The following EYS variants were observed in gnomAD, a reference collection of about 807,000 sequenced individuals.
EYS encodes the protein protein eyes shut homolog.
In EYS, 250 loss-of-function variants were observed where a neutral mutation model predicts 282.1. That is an observed-to-expected ratio of 0.89 (90% CI 0.80 to 0.98). The LOEUF (loss-of-function observed/expected upper bound fraction) is 0.98, where lower values mean the gene tolerates loss of function less well. Among genes scored for constraint, EYS ranks in the 50% least tolerant of loss-of-function variants. The pLI, the probability that EYS is intolerant of heterozygous loss-of-function variation, is 0.00. For synonymous variants in EYS, 1,355 were observed against 1,282.9 expected (o/e 1.06, Z -1.20); for missense variants, 4,016 against 3,709.0 (o/e 1.08, Z -2.15).
chr6:64,415,917 G>T (rs1315852669), intron 28 of EYS, among the ~76,000 whole-genome samples: 1 of 152,172 alleles, frequency 6.6e-6, no homozygotes, highest in Non-Finnish European at 1.5e-5. Flanking sequence ...GCAAGCTGAA[G>T]TTTCTAAGCT....
At chr6:64,651,316 C>T (rs1351821777) in intron 22 of EYS, among the ~76,000 whole-genome samples, 2 of 152,166 alleles carry the variant, frequency 1.3e-5, no homozygotes, top group African/African-American at 4.8e-5. Context: ...ACTTGAATGC[C>T]TCATATTGAG....
At chr6:64,896,204 G>A (rs1177811985) in intron 18 of EYS, among the ~76,000 whole-genome samples, 1 of 152,170 alleles carries the variant, frequency 6.6e-6, no homozygotes, top group African/African-American at 2.4e-5. Context: ...GCAGAAGGCA[G>A]GTGATTTCTG....
intron 15 of EYS, among the ~76,000 whole-genome samples, chr6:64,915,296 C>T (rs528778549): frequency 2.0e-4 from 31 of 152,200 alleles, no homozygotes; most frequent in African/African-American, 7.2e-4. Context: ...AAATCATTTG[C>T]ATGGTTTGCC....
chr6:64,491,919 AACACTTT>A (rs1375699142), intron 26 of EYS, among the ~76,000 whole-genome samples: 2 of 151,198 alleles, frequency 1.3e-5, no homozygotes, highest in Non-Finnish European at 3.0e-5. Context: ...CCTTGTTCTA[AACACTTT>A]ACATATATTA....
chr6:63,779,447 C>T (rs1329435371), intron 39 of EYS: 1 of 129,978 alleles, frequency 7.7e-6, no homozygotes, highest in Non-Finnish European at 1.6e-5. Flanking sequence ...GAGCGAGAGT[C>T]TGTTTCAAAA....
chr6:64,151,527 A>C (rs1774737048), intron 31 of EYS, among the ~76,000 whole-genome samples: 1 of 150,852 alleles, frequency 6.6e-6, no homozygotes, highest in Admixed American at 6.6e-5. Context: ...ATGACAAGTT[A>C]ATTTTTGTAT....
intron 12 of EYS, among the ~76,000 whole-genome samples, chr6:65,058,961 A>G (rs1236904615): frequency 6.6e-6 from 1 of 152,148 alleles, no homozygotes; most frequent in Non-Finnish European, 1.5e-5. Context: ...TGAATTTAGA[A>G]AGAAGAAAAC....
intron 26 of EYS, among the ~76,000 whole-genome samples, chr6:64,525,561 A>G (rs115473120): frequency 0.024 from 3,588 of 151,770 alleles, 136 homozygotes; most frequent in African/African-American, 0.083. Context: ...CAGAAAAAAT[A>G]ATACTTGGTA....
intron 15 of EYS, among the ~76,000 whole-genome samples, chr6:64,940,716 CA>C (rs1769062291): frequency 6.6e-6 from 1 of 151,826 alleles, no homozygotes; most frequent in African/African-American, 2.4e-5. Context: ...TTTTTTGTCA[CA>C]TAGTATCTAT....
intron 29 of EYS, chr6:64,379,481 A>G (rs1772674772): frequency 6.6e-6 from 1 of 152,184 alleles, no homozygotes; most frequent in Admixed American, 6.5e-5. Context: ...AAAAGTGAAT[A>G]TATATTCATT....
At chr6:64,002,905 GTT>G (rs1768166094) in intron 33 of EYS, among the ~76,000 whole-genome samples, 1 of 152,114 alleles carries the variant, frequency 6.6e-6, no homozygotes, top group African/African-American at 2.4e-5. Context: ...CTGAACATAT[GTT>G]TTTTAATCTT....
chr6:64,728,706 C>G (rs1249411344), intron 22 of EYS: 1 of 152,242 alleles, frequency 6.6e-6, no homozygotes, highest in East Asian at 1.9e-4. Context: ...GGGCCCCCTG[C>G]CTTTTCACGT....
At chr6:64,068,647 A>G (rs1425739656) in intron 32 of EYS, among the ~76,000 whole-genome samples, 2 of 151,752 alleles carry the variant, frequency 1.3e-5, no homozygotes, top group African/African-American at 2.4e-5. Flanking sequence ...CCTAGAATTT[A>G]AAGTATAATA....
chr6:65,557,121 C>T, intron 2 of EYS, among the ~76,000 whole-genome samples: 1 of 152,124 alleles, frequency 6.6e-6, no homozygotes, highest in East Asian at 1.9e-4. Flanking sequence ...AACAATGTCG[C>T]AAGATCCTTC....
chr6:65,390,745 C>T (rs1320864822), intron 7 of EYS, among the ~76,000 whole-genome samples: 1 of 151,524 alleles, frequency 6.6e-6, no homozygotes, highest in Non-Finnish European at 1.5e-5. Context: ...AAAAAATTAG[C>T]CAGGTGAATA....
intron 12 of EYS, among the ~76,000 whole-genome samples, chr6:65,225,714 C>T (rs1454974362): frequency 3.0e-5 from 3 of 101,626 alleles, no homozygotes; most frequent in Non-Finnish European, 6.0e-5. Flanking sequence ...AAAACTCCAT[C>T]AAAAAAGAAA....
At chr6:64,871,220 C>T (rs1275246733) in intron 19 of EYS, among the ~76,000 whole-genome samples, 1 of 151,158 alleles carries the variant, frequency 6.6e-6, no homozygotes, top group African/African-American at 2.4e-5. Context: ...CATAACATGC[C>T]ATTTGCATAA....
At chr6:63,723,788 C>CATTATTATT (rs57873412) in intron 42 of EYS, among the ~76,000 whole-genome samples, 117 of 138,172 alleles carry the variant, frequency 8.5e-4, no homozygotes, top group African/African-American at 2.0e-3. Context: ...TACACATTGG[C>CATTATTATT]ATTATTATTA....
intron 31 of EYS, among the ~76,000 whole-genome samples, chr6:64,086,030 T>C (rs1772146390): frequency 6.6e-6 from 1 of 152,212 alleles, no homozygotes; most frequent in South Asian, 2.1e-4. Context: ...TCTTCTTACC[T>C]ACCTTTTGCA....
Sources: gnomAD v4.1 joint callset for allele counts (sites outside exome capture counted in the v4.1 genomes callset) on GRCh38, gnomAD v4.1.1 for gene constraint, MANE v1.5 for transcripts, NCBI Gene and HGNC (gene_info 2026-07-23, HGNC 2026-07-21) for gene names.